Variants in SEH1L observed in about 807,000 individuals in gnomAD.
SEH1L encodes the protein nucleoporin SEH1.
A neutral mutation model predicts 49.5 loss-of-function variants in SEH1L; 18 were observed. The observed-to-expected ratio is 0.36, with a 90% CI of 0.25 to 0.54. The LOEUF is 0.54. Among genes scored for constraint, SEH1L ranks in the 20% least tolerant of loss-of-function variants. The pLI, the probability that SEH1L is intolerant of heterozygous loss-of-function variation, is 0.87. For synonymous variants in SEH1L, 169 were observed against 178.1 expected, an observed-to-expected ratio of 0.95 and a Z score of 0.41; for missense variants, 404 against 528.8, an observed-to-expected ratio of 0.76 and a Z score of 2.31.
chr18:12,973,591 C>T (rs72874162), intron 5 of SEH1L: 18,592 of 152,268 alleles, frequency 0.12, 1,472 homozygotes, highest in Non-Finnish European at 0.18. Flanking sequence ...TGAGCCACCA[C>T]GGCCGGCCTA....
At chr18:12,983,851 TAA>T (rs1389743193) in intron 7 of SEH1L, among the ~76,000 whole-genome samples, 187 bp from the exon 8 acceptor site, 1 of 152,234 alleles carries the variant, frequency 6.6e-6, no homozygotes, top group Non-Finnish European at 1.5e-5. Context: ...TGAAAACTTC[TAA>T]AAAGTTGTTA....
chr18:12,982,554 T>C lies in SEH1L; in HGVS notation c.798T>C (p.Phe266=), dbSNP rs2032313032. ...CTTCCTCTGGTGGGCCAACAAAGTT[T>C]GAAATCCATATAGTGGCTCAGTTCG... ...ELTSSGGPTK[F]EIHIVAQFDN... The change falls in exon 7 of 9, where the codon TTT becomes TTC. Residue 266 remains phenylalanine (F), a synonymous_variant. Coordinates refer to ENST00000399892, the MANE Select transcript of SEH1L (RefSeq NM_001013437.2). 1 of 1,612,656 alleles carries C rather than the reference T, an allele frequency of 6.2e-7. No individual in the cohort carries two copies. The highest frequency in any genetic ancestry group is 1.3e-5 in the African/African-American group (1 of 74,880).
intron 5 of SEH1L, chr18:12,978,459 T>C (rs747323548): frequency 2.6e-5 from 6 of 232,528 alleles, no homozygotes; most frequent in Non-Finnish European, 5.0e-5. Flanking sequence ...GTTTCTTCTC[T>C]TCTTTTTAAA....
intron 6 of SEH1L, 106 bp downstream of exon 6, chr18:12,978,998 C>A (rs116077553): frequency 1.9e-6 from 2 of 1,060,202 alleles, no homozygotes; most frequent in Admixed American, 2.4e-5. Flanking sequence ...TATATTTCTG[C>A]TCTGGAAGTT....
At chr18:12,960,409 C>T (rs552147286) in intron 3 of SEH1L, among the ~76,000 whole-genome samples, 114 of 152,354 alleles carry the variant, frequency 7.5e-4, no homozygotes, top group African/African-American at 2.5e-3. Context: ...GGTCTTGACA[C>T]CTTTGTTGAA....
intron 3 of SEH1L, among the ~76,000 whole-genome samples, chr18:12,956,999 C>T (rs192161555): frequency 0.049 from 7,393 of 151,102 alleles, 260 homozygotes; most frequent in East Asian, 0.15. Flanking sequence ...ACCCGGGAGG[C>T]GGAGCTTGCA....
chr18:12,960,479 A>G (rs1016789885), intron 3 of SEH1L, among the ~76,000 whole-genome samples: 10 of 152,136 alleles, frequency 6.6e-5, no homozygotes, highest in Non-Finnish European at 1.3e-4. Flanking sequence ...ATTTATCTGT[A>G]TGTCTCCTTG....
At chr18:12,959,814 A>T (rs117307220) in intron 3 of SEH1L, among the ~76,000 whole-genome samples, 4 of 152,096 alleles carry the variant, frequency 2.6e-5, no homozygotes, top group African/African-American at 4.8e-5. Context: ...ACTTTCCCCA[A>T]TGTTTTCTTC....
intron 5 of SEH1L, among the ~76,000 whole-genome samples, chr18:12,975,110 A>G (rs1000114582): frequency 6.6e-5 from 10 of 151,760 alleles, no homozygotes; most frequent in Non-Finnish European, 2.9e-5. Flanking sequence ...CTCCTGCCTC[A>G]GCCTCCCAAG....
chr18:12,971,426 G>C (rs1204116541), intron 5 of SEH1L, 175 bp downstream of exon 5: 1 of 462,002 alleles, frequency 2.2e-6, no homozygotes, highest in East Asian at 3.9e-5. Context: ...ATAAAGAGGA[G>C]AAAGTAGACC....
intron 4 of SEH1L, among the ~76,000 whole-genome samples, chr18:12,964,066 A>G (rs2031322346): frequency 1.3e-5 from 2 of 152,172 alleles, no homozygotes; most frequent in Admixed American, 1.3e-4. Context: ...TTAAAGATAC[A>G]TTGTGGGCAT....
intron 1 of SEH1L, among the ~76,000 whole-genome samples, chr18:12,950,127 A>G (rs1017728963): frequency 6.6e-6 from 1 of 151,148 alleles, no homozygotes; most frequent in African/African-American, 2.4e-5. Context: ...TCAACATCCC[A>G]GGTTCAAGCC....
chr18:12,962,220 AC>A (rs77406625), intron 3 of SEH1L, among the ~76,000 whole-genome samples: 47,112 of 150,276 alleles, frequency 0.31, 8,855 homozygotes, highest in East Asian at 0.59. Context: ...ACATAGTGAG[AC>A]CCCCCCATCT....
At chr18:12,953,419 C>T (rs1043615633) in intron 2 of SEH1L, among the ~76,000 whole-genome samples, 4 of 152,158 alleles carry the variant, frequency 2.6e-5, no homozygotes, top group African/African-American at 4.8e-5. Context: ...TAAGAAACTG[C>T]GAAACTCTTC....
intron 5 of SEH1L, chr18:12,977,702 A>C (rs1431728756): frequency 6.6e-6 from 1 of 152,142 alleles, no homozygotes; most frequent in Non-Finnish European, 1.5e-5. Flanking sequence ...CCAGCACAAG[A>C]GTGAAACTGT....
At chr18:12,972,478 C>T (rs1018901670) in intron 5 of SEH1L, 1 of 152,208 alleles carries the variant, frequency 6.6e-6, no homozygotes, top group African/African-American at 2.4e-5. Flanking sequence ...CAGAGGCACA[C>T]TACTCAGTCT....
chr18:12,972,585 C>G (rs2031748875), intron 5 of SEH1L: 1 of 152,178 alleles, frequency 6.6e-6, no homozygotes, highest in South Asian at 2.1e-4. Context: ...GCAGGGCCAG[C>G]AGTAGAGAAG....
chr18:12,955,660 G>A, intron 3 of SEH1L, 51 bp downstream of exon 3: 1 of 1,589,752 alleles, frequency 6.3e-7, no homozygotes, highest in East Asian at 2.2e-5. Flanking sequence ...AGCAGCCAAG[G>A]AGCATTCATC....
In SEH1L at chr18:12,971,208, G is replaced by A. The variant is rs2145641916; in HGVS notation, c.577G>A (p.Ala193Thr). 5.0e-6 allele frequency: 8 copies of A among 1,613,802 alleles called. No homozygotes were observed. Among genetic ancestry groups the A allele is most frequent in the Non-Finnish European group, 6.8e-6 (8 of 1,179,766 alleles). Residue 193 changes from alanine (A) to threonine (T), a missense_variant, in exon 5 of 9, where the codon GCA becomes ACA. Physicochemically the swap from Ala to Thr is moderately conservative, Grantham distance 58. Around this residue, in one of 3 missense-constraint regions of SEH1L, gnomAD observed 342 missense variants for 430.8 expected, o/e 0.79. Coordinates refer to ENST00000399892, the MANE Select transcript of SEH1L (RefSeq NM_001013437.2). ...AVGSDDSSPN[A>T]MAKVQIFEYN... ...AGGAAGTGATGACAGTAGCCCCAAC[G>A]CAATGGCCAAGGTTCAGATTTTTGA...
Sources: allele counts gnomAD v4.1 joint callset (sites outside exome capture counted in the v4.1 genomes callset), GRCh38; gene constraint gnomAD v4.1.1; regional missense constraint gnomAD v4.1.1; transcripts MANE v1.5; gene names NCBI Gene and HGNC (gene_info 2026-07-23, HGNC 2026-07-21).